Variants in C12orf42 observed in about 807,000 individuals in gnomAD.
The protein encoded by C12orf42 is uncharacterized protein C12orf42.
C12orf42 carries 25 observed loss-of-function variants against 21.6 expected under a neutral mutation model. That is an observed-to-expected ratio of 1.16 (90% confidence interval 0.84 to 1.62). The LOEUF (loss-of-function observed/expected upper bound fraction) is 1.62, where lower values mean the gene tolerates loss of function less well. Ranked by LOEUF, C12orf42 falls within the 40% of genes most tolerant of loss-of-function variation. The probability of loss-of-function intolerance (pLI) is 0.00; values close to 1 mark genes in which losing one functional copy is unlikely to be tolerated. For missense variants in C12orf42, 483 were observed against 459.3 expected, an observed-to-expected ratio of 1.05 and a Z score of -0.47; for synonymous variants, 174 against 175.0, an observed-to-expected ratio of 0.99 and a Z score of 0.05.
the C12orf42 span, among the ~76,000 whole-genome samples, chr12:103,224,642 A>C: frequency 6.6e-6 from 1 of 152,330 alleles, no homozygotes; most frequent in Admixed American, 6.5e-5. Flanking sequence ...GGGGAGCAGA[A>C]AGTATATGCG....
At chr12:103,170,115 T>C in the C12orf42 span, among the ~76,000 whole-genome samples, 1 of 152,190 alleles carries the variant, frequency 6.6e-6, no homozygotes, top group African/African-American at 2.4e-5. Context: ...CCCAACCTAC[T>C]GGCTATGCCT....
the C12orf42 span, among the ~76,000 whole-genome samples, chr12:103,098,703 A>G: frequency 6.6e-6 from 1 of 152,240 alleles, no homozygotes; most frequent in Non-Finnish European, 1.5e-5. Flanking sequence ...GGCACCAAAA[A>G]GAAAGTCAGA....
intron 4 of C12orf42, among the ~76,000 whole-genome samples, chr12:103,339,748 T>G (rs1228719572): frequency 6.6e-6 from 1 of 152,098 alleles, no homozygotes; most frequent in African/African-American, 2.4e-5. Flanking sequence ...TTGGTGGGAG[T>G]GAAAATCAAA....
chr12:103,241,435 G>C (rs1306435002), intron 10 of C12orf42, among the ~76,000 whole-genome samples: 1 of 152,098 alleles, frequency 6.6e-6, no homozygotes, highest in Non-Finnish European at 1.5e-5. Context: ...CCTGCCATTT[G>C]GACCACTCTC....
the C12orf42 span, among the ~76,000 whole-genome samples, chr12:103,189,700 A>C: frequency 1.3e-5 from 2 of 152,104 alleles, no homozygotes; most frequent in African/African-American, 4.8e-5. Context: ...TGCACCCACA[A>C]ACCCAGGCAC....
chr12:103,427,052 A>C (rs1480960759), intron 2 of C12orf42, among the ~76,000 whole-genome samples: 2 of 152,210 alleles, frequency 1.3e-5, no homozygotes, highest in African/African-American at 2.4e-5. Flanking sequence ...TGTATCAACT[A>C]ACAGGCAAAA....
At chr12:103,237,454 C>A (rs980595997), downstream of C12orf42, 2 of 152,168 alleles carry the variant, frequency 1.3e-5, no homozygotes, top group Non-Finnish European at 2.9e-5. Flanking sequence ...TGAATCTTGG[C>A]TCATTATTTG....
At chr12:103,345,750 T>C (rs1006945767) in intron 4 of C12orf42, among the ~76,000 whole-genome samples, 13 of 152,216 alleles carry the variant, frequency 8.5e-5, no homozygotes, top group African/African-American at 9.6e-5. Flanking sequence ...AATAGTATTA[T>C]AGTAAGTCAA....
At chr12:103,221,753 A>G in the C12orf42 span, among the ~76,000 whole-genome samples, 1 of 152,180 alleles carries the variant, frequency 6.6e-6, no homozygotes, top group Non-Finnish European at 1.5e-5. Flanking sequence ...TTTGGCTTTC[A>G]GCATTTATAA....
chr12:103,310,558 TTG>T (rs2038879270), intron 4 of C12orf42, among the ~76,000 whole-genome samples: 2 of 152,214 alleles, frequency 1.3e-5, no homozygotes, highest in South Asian at 2.1e-4. Flanking sequence ...GGCCACCAAT[TTG>T]TGTCTTTGGC....
chr12:103,139,567 A>T, the C12orf42 span, among the ~76,000 whole-genome samples: 24 of 152,060 alleles, frequency 1.6e-4, no homozygotes, highest in African/African-American at 5.8e-4. Flanking sequence ...AAAAAGACCA[A>T]AAAAAATTAT....
chr12:103,122,568 C>T, the C12orf42 span, among the ~76,000 whole-genome samples: 58 of 152,016 alleles, frequency 3.8e-4, no homozygotes, highest in East Asian at 9.1e-3. Flanking sequence ...AAGACCCCAC[C>T]GATAAAATAA....
At chr12:103,201,872 T>A in the C12orf42 span, among the ~76,000 whole-genome samples, 43 of 152,292 alleles carry the variant, frequency 2.8e-4, no homozygotes, top group African/African-American at 9.4e-4. Context: ...TGCTTTTTGT[T>A]AACATCATTT....
At chr12:103,231,120 G>A in the C12orf42 span, among the ~76,000 whole-genome samples, 1 of 152,002 alleles carries the variant, frequency 6.6e-6, no homozygotes, top group Non-Finnish European at 1.5e-5. Flanking sequence ...TTTTGTTGTG[G>A]TCTGACATAT....
the C12orf42 span, among the ~76,000 whole-genome samples, chr12:103,191,754 A>G: frequency 6.6e-6 from 1 of 150,950 alleles, no homozygotes; most frequent in East Asian, 1.9e-4. Context: ...AAAAAAAAAA[A>G]AAAAAAGAAA....
chr12:103,153,095 T>C, the C12orf42 span, among the ~76,000 whole-genome samples: 4 of 152,176 alleles, frequency 2.6e-5, no homozygotes, highest in Non-Finnish European at 5.9e-5. Flanking sequence ...TTTCAATAAA[T>C]GGTTCTGTGT....
the C12orf42 span, among the ~76,000 whole-genome samples, chr12:103,530,273 C>T: frequency 2.0e-5 from 3 of 152,224 alleles, no homozygotes; most frequent in Non-Finnish European, 4.4e-5. Context: ...GTCAGCTGCA[C>T]ATGGAGCCCG....
At chr12:103,507,228 A>AAT in the C12orf42 span, among the ~76,000 whole-genome samples, 167 of 27,824 alleles carry the variant, frequency 6.0e-3, 12 homozygotes, top group Non-Finnish European at 7.5e-3. Context: ...TATAAATATA[A>AAT]ATATATATAT....
intron 1 of C12orf42, among the ~76,000 whole-genome samples, chr12:103,481,645 G>A (rs539542172): frequency 1.2e-5 from 1 of 80,918 alleles, no homozygotes; most frequent in Admixed American, 1.6e-4. Flanking sequence ...TCAACATAAA[G>A]CGAGTTACTT....
Sources: allele counts gnomAD v4.1 joint callset (sites outside exome capture counted in the v4.1 genomes callset), GRCh38; gene constraint gnomAD v4.1.1; transcripts MANE v1.5; gene names NCBI Gene and HGNC (gene_info 2026-07-23, HGNC 2026-07-21).